TEX9: variants seen among roughly 807,000 people sequenced by gnomAD.
TEX9 encodes testis expressed 9, also known as testis-expressed protein 9.
A neutral mutation model predicts 59.6 loss-of-function variants in TEX9; 74 were observed. The ratio of observed to expected loss-of-function variants is 1.24; its 90% CI spans 1.03 to 1.51. The LOEUF is 1.51. TEX9 is among the 40% of genes most tolerant of loss of function. The pLI is 0.00. For synonymous variants in TEX9, 186 were observed against 152.2 expected (o/e 1.22, Z -1.64); for missense variants, 522 against 447.8 (o/e 1.17, Z -1.49).
chr15:56,428,904 T>C, intron 12 of TEX9: 2 of 514,750 alleles, frequency 3.9e-6, no homozygotes, highest in Non-Finnish European at 6.8e-6. Flanking sequence ...GATTTTGAAA[T>C]TATCAGTACA....
At chr15:56,331,586 G>C (rs955693733) in intron 1 of TEX9, among the ~76,000 whole-genome samples, 3 of 152,018 alleles carry the variant, frequency 2.0e-5, no homozygotes, top group Admixed American at 6.5e-5. Context: ...GAAGGAAATT[G>C]AAAAATTTCT....
intron 1 of TEX9, among the ~76,000 whole-genome samples, chr15:56,320,498 T>G (rs79508670): frequency 1.4e-5 from 2 of 147,572 alleles, no homozygotes; most frequent in South Asian, 2.2e-4. Flanking sequence ...AAGAGAGAGA[T>G]AGAGAGGAGA....
intron 1 of TEX9, among the ~76,000 whole-genome samples, chr15:56,303,014 T>C (rs1482400113): frequency 6.6e-6 from 1 of 152,158 alleles, no homozygotes; most frequent in Non-Finnish European, 1.5e-5. Flanking sequence ...GATATAACAA[T>C]TGTTAATAGA....
intron 12 of TEX9, among the ~76,000 whole-genome samples, chr15:56,438,483 A>G (rs183214791): frequency 1.4e-3 from 219 of 152,324 alleles, no homozygotes; most frequent in Non-Finnish European, 2.7e-3. Context: ...CACCTTATAC[A>G]AAAATTAATT....
At chr15:56,444,357 G>T in intron 12 of TEX9, 1 of 1,147,368 alleles carries the variant, frequency 8.7e-7, no homozygotes, top group Non-Finnish European at 1.2e-6. Context: ...ATTAGGCACT[G>T]TTCTAGGTGC....
chr15:56,267,238 G>C (rs1346753340), intron 1 of TEX9, among the ~76,000 whole-genome samples: 1 of 152,198 alleles, frequency 6.6e-6, no homozygotes, highest in African/African-American at 2.4e-5. Flanking sequence ...CCCTTTGTCA[G>C]ATGAATAGAT....
chr15:56,433,548 G>A (rs2050656910), intron 12 of TEX9, among the ~76,000 whole-genome samples: 3 of 151,906 alleles, frequency 2.0e-5, no homozygotes, highest in Non-Finnish European at 4.4e-5. Context: ...AACATCTCTC[G>A]GGTGGATCCC....
chr15:56,297,111 T>C (rs2045235595), intron 1 of TEX9, among the ~76,000 whole-genome samples: 1 of 152,104 alleles, frequency 6.6e-6, no homozygotes. Flanking sequence ...TTACAAAAAA[T>C]ACTGTAGAAA....
At chr15:56,379,706 T>C (rs2047635412) in intron 3 of TEX9, among the ~76,000 whole-genome samples, 1 of 152,234 alleles carries the variant, frequency 6.6e-6, no homozygotes, top group Non-Finnish European at 1.5e-5. Context: ...ATTTGCTTTA[T>C]GTATCTGGGT....
At chr15:56,284,258 C>T (rs1301392694) in intron 1 of TEX9, among the ~76,000 whole-genome samples, 7 of 152,058 alleles carry the variant, frequency 4.6e-5, no homozygotes, top group Non-Finnish European at 1.0e-4. Flanking sequence ...CAGCCTTCCA[C>T]AGTGCTAGGA....
At chr15:56,402,867 G>A (rs2048867363) in intron 9 of TEX9, among the ~76,000 whole-genome samples, 1 of 152,136 alleles carries the variant, frequency 6.6e-6, no homozygotes, top group African/African-American at 2.4e-5. Flanking sequence ...CACATAAACA[G>A]AACCAACAAC....
At chr15:56,382,614 C>G (rs1315072306) in intron 3 of TEX9, among the ~76,000 whole-genome samples, 5 of 152,148 alleles carry the variant, frequency 3.3e-5, no homozygotes, top group Non-Finnish European at 7.3e-5. Context: ...CCCTTCAAGG[C>G]AGCAGATTCC....
intron 7 of TEX9, among the ~76,000 whole-genome samples, chr15:56,392,194 C>A (rs1457708767): frequency 6.6e-6 from 1 of 152,078 alleles, no homozygotes; most frequent in East Asian, 1.9e-4. Context: ...TAGTCTGTTC[C>A]TGCACTGCTA....
At chr15:56,393,210 T>C (rs373144902) in intron 7 of TEX9, among the ~76,000 whole-genome samples, 4 of 152,160 alleles carry the variant, frequency 2.6e-5, no homozygotes, top group African/African-American at 9.7e-5. Context: ...TACTGTCAAC[T>C]TCACCCTTTT....
chr15:56,402,603 T>C (rs1301865744), intron 9 of TEX9, among the ~76,000 whole-genome samples: 5 of 152,096 alleles, frequency 3.3e-5, no homozygotes, highest in African/African-American at 1.2e-4. Flanking sequence ...TTCCAATCAA[T>C]AGAAAAAGAG....
chr15:56,277,734 A>G (rs959444319), intron 1 of TEX9, among the ~76,000 whole-genome samples: 3 of 152,212 alleles, frequency 2.0e-5, no homozygotes, highest in Non-Finnish European at 2.9e-5. Flanking sequence ...TATACCTCAC[A>G]TTACATGGCC....
At chr15:56,441,169 TTAATTA>T (rs1314869805) in intron 12 of TEX9, among the ~76,000 whole-genome samples, 1 of 152,164 alleles carries the variant, frequency 6.6e-6, no homozygotes, top group Non-Finnish European at 1.5e-5. Flanking sequence ...AATATATTGT[TTAATTA>T]TAATATATTT....
chr15:56,244,945 C>G (rs751036453), intron 1 of TEX9, among the ~76,000 whole-genome samples: 1 of 152,196 alleles, frequency 6.6e-6, no homozygotes, highest in Non-Finnish European at 1.5e-5. Flanking sequence ...TAGAATACAA[C>G]AGCCAAGGCC....
At chr15:56,354,539 G>C (rs1172498218) in intron 1 of TEX9, among the ~76,000 whole-genome samples, 1 of 152,078 alleles carries the variant, frequency 6.6e-6, no homozygotes, top group African/African-American at 2.4e-5. Flanking sequence ...AGCATTACTG[G>C]AGATAAAGAG....
Sources: allele counts gnomAD v4.1 joint callset (sites outside exome capture counted in the v4.1 genomes callset), GRCh38; gene constraint gnomAD v4.1.1; transcripts MANE v1.5; gene names NCBI Gene and HGNC (gene_info 2026-07-23, HGNC 2026-07-21).